ATP13A3: variants seen among roughly 807,000 people sequenced by gnomAD.
ATP13A3 encodes the protein polyamine-transporting ATPase 13A3.
A neutral mutation model predicts 158.1 loss-of-function variants in ATP13A3; 59 were observed. That is an observed-to-expected ratio of 0.37 (90% confidence interval 0.30 to 0.46). The LOEUF is 0.46. Ranked by LOEUF, ATP13A3 falls within the 20% of genes least tolerant of loss-of-function variation. ATP13A3 has a pLI of 1.00. For synonymous variants in ATP13A3, 491 were observed against 504.3 expected (o/e 0.97, Z 0.35); for missense variants, 1,166 against 1,525.2 (o/e 0.76, Z 3.92).
chr3:194,438,871 T>C lies in ATP13A3; in HGVS notation c.1812A>G (p.Ala604=). The change falls in exon 17 of 34, where the codon GCA becomes GCG. Residue 604 remains alanine, a synonymous_variant. Transcript: ENST00000645319. The stretch of plus-strand genomic sequence containing the variant: ...GATTTCTCACCATTTCTTGGTTTCC[T>C]GCAGGGGTAGATTCAGGAAGCAGTT... ...PKQLLPESTP[A]GNQEMELFEL... is the part of the protein sequence containing the mutation. 6.3e-7 allele frequency: 1 copy of C among 1,591,356 alleles called. No individual in the cohort carries two copies. The highest frequency in any genetic ancestry group is 8.6e-7 in the Non-Finnish European group (1 of 1,163,996).
At chr3:194,443,441 A>C (rs774159121) in intron 15 of ATP13A3, among the ~76,000 whole-genome samples, 15 of 152,218 alleles carry the variant, frequency 9.9e-5, no homozygotes, top group Non-Finnish European at 1.9e-4. Context: ...ATAATTTCTA[A>C]TATATCTGAA....
At chr3:194,464,099 T>A (rs1719843204) in intron 2 of ATP13A3, among the ~76,000 whole-genome samples, 1 of 152,206 alleles carries the variant, frequency 6.6e-6, no homozygotes, top group Admixed American at 6.5e-5. Flanking sequence ...AGGCGGAGGT[T>A]GTAGTAAGCT....
chr3:194,448,681 A>C lies in ATP13A3; in HGVS notation c.971-45T>G, dbSNP rs779978383. 6.4e-7 allele frequency: 1 copy of C among 1,567,474 alleles called. No individual in the cohort carries two copies. The highest frequency in any genetic ancestry group is 8.7e-7 in the Non-Finnish European group (1 of 1,153,812). On this transcript the variant is annotated intron_variant, in intron 11 of 33. Transcript: ENST00000645319. This position sits in a 1 kb window ranked among gnomAD's most constrained non-coding sequence, Gnocchi z 4.0. ...CAACAAAAACAGTTTACAAATTATT[A>C]AACGAAAGCACAGGAATCAGTATCG...
At chr3:194,425,214 T>C in intron 30 of ATP13A3, 128 bp downstream of exon 30, 1 of 923,606 alleles carries the variant, frequency 1.1e-6, no homozygotes, top group Non-Finnish European at 1.6e-6. Context: ...GGTAAACATC[T>C]AAATCACTAA....
intron 21 of ATP13A3, 60 bp downstream of exon 21, chr3:194,433,707 CAATAT>C (rs758339681): frequency 6.3e-6 from 10 of 1,577,060 alleles, no homozygotes; most frequent in South Asian, 4.5e-5. Context: ...GATTATCCCT[CAATAT>C]AATATAACTT....
chr3:194,481,765 T>C (rs1720759827), intron 2 of ATP13A3, among the ~76,000 whole-genome samples: 1 of 152,264 alleles, frequency 6.6e-6, no homozygotes. Flanking sequence ...TAGGAAATTC[T>C]ACTTTACATA....
At position 194,427,272 on chromosome 3, in the gene ATP13A3, AG is replaced by A. The variant is rs773526057; in HGVS notation, c.2948-21del. The A allele has an allele frequency of 9.5e-6, 15 of 1,574,392 alleles. No homozygotes were observed. The Admixed American group carries it at 3.1e-4, about 32-fold the overall frequency. On this transcript the variant is annotated intron_variant, in intron 28 of 33. Transcript: ENST00000645319. ...AACTCACTATATTGAAAAGAAAAAG[AG>A]GAAAGGTTTGTATTTACATTAATCT...
chr3:194,471,464 T>C (rs1487300252), intron 2 of ATP13A3, among the ~76,000 whole-genome samples: 1 of 152,068 alleles, frequency 6.6e-6, no homozygotes, highest in Non-Finnish European at 1.5e-5. Flanking sequence ...AGCAATTCTC[T>C]TGCCTCGGCC....
At chr3:194,462,741 C>T (rs1449827683) in intron 2 of ATP13A3, among the ~76,000 whole-genome samples, 2 of 152,180 alleles carry the variant, frequency 1.3e-5, no homozygotes, top group African/African-American at 4.8e-5. Flanking sequence ...ATGTATCAAA[C>T]TTTAGATGAC....
chr3:194,474,754 G>C (rs1449693269), intron 2 of ATP13A3, among the ~76,000 whole-genome samples: 1 of 152,156 alleles, frequency 6.6e-6, no homozygotes, highest in Non-Finnish European at 1.5e-5. Context: ...AAACATTCAT[G>C]AATTCTCATT....
At chr3:194,478,458 G>A (rs1377507893) in intron 2 of ATP13A3, among the ~76,000 whole-genome samples, 1 of 152,026 alleles carries the variant, frequency 6.6e-6, no homozygotes, top group Non-Finnish European at 1.5e-5. Context: ...AAAAATGTTA[G>A]GGAGAAAATA....
At position 194,404,639 on chromosome 3, in the gene ATP13A3, A is replaced by G. The variant is rs1277327355; in HGVS notation, c.*1280T>C. Reference sequence around the variant, plus strand: ...AAAGGTGTTTTTTAAAAGTTACCTTAATTTTGGCAAGAATTTAAATGTTAA... The same window carrying G: ...AAAGGTGTTTTTTAAAAGTTACCTTGATTTTGGCAAGAATTTAAATGTTAA... On this transcript the variant is annotated 3_prime_UTR_variant, in exon 34 of 34. Transcript: ENST00000645319. 2 of 152,238 alleles carry G rather than the reference A, an allele frequency of 1.3e-5. No individual in the cohort carries two copies. The highest frequency in any genetic ancestry group is 4.8e-5 in the African/African-American group (2 of 41,448). 9.4% of individuals were successfully genotyped at this position (152,238 alleles called of 1,614,324 possible). A position where few individuals can be genotyped will look rare whatever the true frequency, so the allele number is the denominator to read the frequency against.
At chr3:194,442,537 A>G (rs1718122077) in intron 15 of ATP13A3, among the ~76,000 whole-genome samples, 1 of 152,220 alleles carries the variant, frequency 6.6e-6, no homozygotes, top group South Asian at 2.1e-4. Flanking sequence ...TTAGACATAC[A>G]AAGAGTAAGA....
At chr3:194,465,981 CA>C (rs1029035515) in intron 2 of ATP13A3, among the ~76,000 whole-genome samples, 135 of 129,820 alleles carry the variant, frequency 1.0e-3, no homozygotes, top group Non-Finnish European at 1.1e-3. Flanking sequence ...GGCTCCACCT[CA>C]AAAAAAAAAA....
intron 2 of ATP13A3, among the ~76,000 whole-genome samples, chr3:194,482,959 T>G (rs1019619985): frequency 2.0e-5 from 3 of 151,882 alleles, no homozygotes; most frequent in Non-Finnish European, 4.4e-5. Context: ...TACAAAAAAT[T>G]AGCCAGGCAT....
At chr3:194,423,240 AT>A (rs1716517528) in intron 30 of ATP13A3, among the ~76,000 whole-genome samples, 1 of 152,192 alleles carries the variant, frequency 6.6e-6, no homozygotes, top group Non-Finnish European at 1.5e-5. Context: ...GTTAAGTTTA[AT>A]TTAGATTAAA....
intron 31 of ATP13A3, among the ~76,000 whole-genome samples, chr3:194,415,503 A>G (rs1031729252): frequency 6.6e-6 from 1 of 152,170 alleles, no homozygotes; most frequent in Non-Finnish European, 1.5e-5. Context: ...TGCTGGTAAG[A>G]CTACAACCTG....
chr3:194,402,928 C>T lies in ATP13A3; in HGVS notation c.*2991G>A, dbSNP rs1263804139. On this transcript the variant is annotated 3_prime_UTR_variant, in exon 34 of 34. Coordinates refer to ENST00000645319, the MANE Select transcript of ATP13A3 (RefSeq NM_001367549.1). ...GTAACTTTTATTAATTTAATGTACA[C>T]ATAATTACCAAATTTTAATACATTA... 3 of 152,140 alleles carry T rather than the reference C, an allele frequency of 2.0e-5. No homozygotes were observed. Among genetic ancestry groups the T allele is most frequent in the African/African-American group, 7.2e-5 (3 of 41,424 alleles). The allele number at this position is 152,140 out of a possible 1,614,324, so 9.4% of individuals were successfully genotyped here. A position where few individuals can be genotyped will look rare whatever the true frequency, so the allele number is the denominator to read the frequency against.
At chr3:194,437,897 C>T (rs1382094866) in intron 17 of ATP13A3, among the ~76,000 whole-genome samples, 1 of 152,188 alleles carries the variant, frequency 6.6e-6, no homozygotes, top group Non-Finnish European at 1.5e-5. Context: ...CAGTGGCTCA[C>T]CCCTGTAATC....
Sources: gnomAD v4.1 joint callset for allele counts (sites outside exome capture counted in the v4.1 genomes callset) on GRCh38, gnomAD v4.1.1 for gene constraint, Gnocchi (gnomAD v3.1) non-coding constraint, MANE v1.5 for transcripts, NCBI Gene and HGNC (gene_info 2026-07-23, HGNC 2026-07-21) for gene names.